Variants in ARHGAP5 observed in about 807,000 individuals in gnomAD.
The protein encoded by ARHGAP5 is rho GTPase-activating protein 5.
ARHGAP5 carries 23 observed loss-of-function variants against 116.6 expected under a neutral mutation model. The ratio of observed to expected loss-of-function variants is 0.20; its 90% CI spans 0.14 to 0.28. ARHGAP5 has a LOEUF of 0.28. Ranked by LOEUF, ARHGAP5 falls within the 10% of genes least tolerant of loss-of-function variation. The probability of loss-of-function intolerance (pLI) is 1.00; values close to 1 mark genes in which losing one functional copy is unlikely to be tolerated. For synonymous variants in ARHGAP5, 574 were observed against 602.0 expected (o/e 0.95, Z 0.68); for missense variants, 1,405 against 1,774.8 (o/e 0.79, Z 3.74).
At chr14:32,130,895 A>C (rs1433065439) in intron 3 of ARHGAP5, among the ~76,000 whole-genome samples, 8 of 152,124 alleles carry the variant, frequency 5.3e-5, no homozygotes, top group African/African-American at 1.9e-4. Flanking sequence ...GAATAGTATG[A>C]TTGAGCATTT....
intron 3 of ARHGAP5, among the ~76,000 whole-genome samples, chr14:32,127,378 T>A (rs1464185022): frequency 6.6e-6 from 1 of 152,082 alleles, no homozygotes; most frequent in Non-Finnish European, 1.5e-5. Flanking sequence ...TGATGACTCT[T>A]AACAAGCATG....
At chr14:32,101,234 TG>T (rs1878774845) in intron 2 of ARHGAP5, among the ~76,000 whole-genome samples, 1 of 152,318 alleles carries the variant, frequency 6.6e-6, no homozygotes, top group African/African-American at 2.4e-5. Flanking sequence ...TAAAAGATTT[TG>T]CTGCTTTAGC....
chr14:32,126,747 T>C (rs1880172881), intron 3 of ARHGAP5, among the ~76,000 whole-genome samples: 1 of 152,170 alleles, frequency 6.6e-6, no homozygotes, highest in Admixed American at 6.5e-5. Context: ...GTTATTTTTC[T>C]TTTCTTTCAT....
chr14:32,139,391 T>G (rs1880978511), intron 3 of ARHGAP5, among the ~76,000 whole-genome samples: 1 of 152,156 alleles, frequency 6.6e-6, no homozygotes, highest in African/African-American at 2.4e-5. Context: ...GCTCATTTGT[T>G]TATAGAGCTG....
chr14:32,131,358 A>T (rs1057485684), intron 3 of ARHGAP5, among the ~76,000 whole-genome samples: 2 of 151,606 alleles, frequency 1.3e-5, no homozygotes, highest in Non-Finnish European at 2.9e-5. Flanking sequence ...TAATTGTATT[A>T]AAAGATACAT....
At chr14:32,122,123 G>A (rs1176683193) in intron 3 of ARHGAP5, among the ~76,000 whole-genome samples, 1 of 152,170 alleles carries the variant, frequency 6.6e-6, no homozygotes, top group Non-Finnish European at 1.5e-5. Flanking sequence ...CAAAGAGGTG[G>A]CACCACTTGA....
rs538750205 is a variant in ARHGAP5 at position 32,125,526 on chromosome 14, CTG to C, written c.3865+8243_3865+8244del. ...TAGAATACTGGATCATATGGTAATTCTGTGTTTAACTTCTTGAGGAACTGTCA... is the reference window on the plus strand; with the variant it reads ...TAGAATACTGGATCATATGGTAATTCTGTTTAACTTCTTGAGGAACTGTCA... On this transcript the variant is annotated intron_variant, in intron 3 of 6. Coordinates refer to ENST00000345122, the MANE Select transcript of ARHGAP5 (RefSeq NM_001030055.2). Among the ~76,000 whole-genome samples the C allele has an allele frequency of 1.5e-4, 23 of 152,236 alleles. No homozygotes were observed. In the South Asian group the frequency reaches 4.1e-3, roughly 27 times the overall value.
At chr14:32,144,268 A>G (rs572807685) in intron 3 of ARHGAP5, among the ~76,000 whole-genome samples, 8 of 152,306 alleles carry the variant, frequency 5.3e-5, no homozygotes, top group African/African-American at 1.7e-4. Context: ...TTATCTAGAG[A>G]ACAATGAAGT....
chr14:32,155,149 A>T lies in ARHGAP5; in HGVS notation c.*201A>T, dbSNP rs535626983. 97 of 542,902 alleles carry T rather than the reference A, an allele frequency of 1.8e-4. No individual in the cohort carries two copies. Among genetic ancestry groups the T allele is most frequent in the Middle Eastern group, 4.9e-4 (1 of 2,040 alleles). 33.6% of individuals were successfully genotyped at this position (542,902 alleles called of 1,614,324 possible). A position where few individuals can be genotyped will look rare whatever the true frequency, so the allele number is the denominator to read the frequency against. On this transcript the variant is annotated 3_prime_UTR_variant, in exon 7 of 7. Coordinates refer to ENST00000345122, the MANE Select transcript of ARHGAP5 (RefSeq NM_001030055.2). The stretch of plus-strand genomic sequence containing the variant: ...GTGATAAGCATGACTGGAGAGGTTT[A>T]ATTTTTATAAACAAAAATAGCTATA...
intron 6 of ARHGAP5, among the ~76,000 whole-genome samples, chr14:32,153,481 T>C (rs1881752744): frequency 1.4e-5 from 2 of 145,902 alleles, no homozygotes; most frequent in African/African-American, 5.0e-5. Context: ...CCAGGTTTTT[T>C]TTTTTTTTTT....
intron 3 of ARHGAP5, among the ~76,000 whole-genome samples, chr14:32,145,327 C>A (rs1881325134): frequency 6.6e-6 from 1 of 152,184 alleles, no homozygotes; most frequent in South Asian, 2.1e-4. Flanking sequence ...CAGTTGGCCT[C>A]CACTGACAAG....
At position 32,092,841 on chromosome 14, in the gene ARHGAP5, G is replaced by T; in HGVS notation, c.2172G>T (p.Lys724Asn). 1 of 1,614,030 alleles carries T rather than the reference G, an allele frequency of 6.2e-7. No individual in the cohort carries two copies. The highest frequency in any genetic ancestry group is 8.5e-7 in the Non-Finnish European group (1 of 1,179,944). ...ACCAAGGGCAGCAGTTGGCAAACAAGTTGCAATGTCCTTTTGTAGATGTAC... is the reference window on the plus strand; with the variant it reads ...ACCAAGGGCAGCAGTTGGCAAACAATTTGCAATGTCCTTTTGTAGATGTAC... ...LRHQGQQLAN[K>N]LQCPFVDVPA... Residue 724 changes from lysine to asparagine, a missense_variant, in exon 2 of 7, where the codon AAG becomes AAT. Physicochemically the swap from Lys to Asn is moderately conservative, Grantham distance 94. Around this residue, in one of 6 missense-constraint regions of ARHGAP5, gnomAD observed 944 missense variants for 1,095.3 expected, o/e 0.86. Transcript: ENST00000345122. The surrounding 1 kb of genome is among the most constrained non-coding windows in gnomAD (Gnocchi z 4.1).
At chr14:32,097,090 A>G (rs989542156) in intron 2 of ARHGAP5, among the ~76,000 whole-genome samples, 5 of 152,294 alleles carry the variant, frequency 3.3e-5, no homozygotes, top group African/African-American at 1.2e-4. Flanking sequence ...TGAAAACATG[A>G]ATGTGTTTGA....
chr14:32,125,980 A>G (rs1594374845), intron 3 of ARHGAP5, among the ~76,000 whole-genome samples: 2 of 152,082 alleles, frequency 1.3e-5, no homozygotes, highest in East Asian at 3.8e-4. Context: ...AATTTTGCCA[A>G]ATTATTAGCT....
chr14:32,138,418 G>A (rs1253029626), intron 3 of ARHGAP5, among the ~76,000 whole-genome samples: 4 of 152,082 alleles, frequency 2.6e-5, no homozygotes, highest in Non-Finnish European at 4.4e-5. Context: ...CGAGTAGCTG[G>A]GATTACAGGT....
rs1032746714 is a variant in ARHGAP5 at position 32,114,859 on chromosome 14, G to A, written c.3718-2281G>A. Among the ~76,000 whole-genome samples the A allele has an allele frequency of 2.0e-5, 3 of 152,264 alleles. No individual in the cohort carries two copies. In the East Asian group the frequency reaches 5.8e-4, roughly 29 times the overall value. On this transcript the variant is annotated intron_variant, in intron 2 of 6. Coordinates refer to ENST00000345122, the MANE Select transcript of ARHGAP5 (RefSeq NM_001030055.2). ...ACTAAGATGAAGACTATTGTTTTCA[G>A]GCATTGAAAGCCCTGCCTGTGCGCC...
rs554101411 is a variant in ARHGAP5, at chr14:32,096,162, G to T, written c.3717+1776G>T. Among the ~76,000 whole-genome samples, 61 of 151,772 alleles carry T rather than the reference G, an allele frequency of 4.0e-4. 1 individual carries two copies. The highest frequency in any genetic ancestry group is 4.0e-3 in the Admixed American group (61 of 15,242). On this transcript the variant is annotated intron_variant, in intron 2 of 6. Transcript: ENST00000345122. Reference sequence around the variant, plus strand: ...GTTTGTTTTTTTTTTTAAGCCCTTTGAGATTAAGTTGGAGATAGTGGACTC... The same window carrying T: ...GTTTGTTTTTTTTTTTAAGCCCTTTTAGATTAAGTTGGAGATAGTGGACTC...
chr14:32,129,087 C>G (rs1319029269), intron 3 of ARHGAP5, among the ~76,000 whole-genome samples: 3 of 152,098 alleles, frequency 2.0e-5, no homozygotes, highest in Admixed American at 6.5e-5. Context: ...TTTTGCTTTT[C>G]TAGTTTGCAA....
chr14:32,123,194 G>GC (rs909086155), intron 3 of ARHGAP5, among the ~76,000 whole-genome samples: 44 of 151,872 alleles, frequency 2.9e-4, no homozygotes, highest in African/African-American at 1.0e-3. Context: ...TAGTATGTGT[G>GC]TTTTAAAAAC....
Sources: gnomAD v4.1 joint callset for allele counts (sites outside exome capture counted in the v4.1 genomes callset) on GRCh38, gnomAD v4.1.1 for gene constraint, gnomAD v4.1.1 regional missense constraint, Gnocchi (gnomAD v3.1) non-coding constraint, MANE v1.5 for transcripts, NCBI Gene and HGNC (gene_info 2026-07-23, HGNC 2026-07-21) for gene names.